AMZ2: variants seen among roughly 807,000 people sequenced by gnomAD.
The protein encoded by AMZ2 is archaelysin family metallopeptidase 2, also known as archaemetzincin-2.
A neutral mutation model predicts 36.7 loss-of-function variants in AMZ2; 26 were observed. That is an observed-to-expected ratio of 0.71 (90% CI 0.52 to 0.98). The LOEUF (loss-of-function observed/expected upper bound fraction) is 0.98, where lower values mean the gene tolerates loss of function less well. Among genes scored for constraint, AMZ2 ranks in the 50% least tolerant of loss-of-function variants. The pLI, the probability that AMZ2 is intolerant of heterozygous loss-of-function variation, is 0.00. For synonymous variants in AMZ2, 144 were observed against 149.1 expected, an observed-to-expected ratio of 0.97 and a Z score of 0.25; for missense variants, 394 against 430.5, an observed-to-expected ratio of 0.92 and a Z score of 0.75.
At chr17:68,234,129 C>T (rs1487534333) in intron 1 of AMZ2, among the ~76,000 whole-genome samples, 4 of 151,994 alleles carry the variant, frequency 2.6e-5, no homozygotes, top group South Asian at 2.1e-4. Flanking sequence ...GTCAGGAGTT[C>T]GAGACCAGCC....
At chr17:68,243,141 G>GA (rs1191354582), upstream of AMZ2, among the ~76,000 whole-genome samples, 6 of 142,344 alleles carry the variant, frequency 4.2e-5, no homozygotes, top group African/African-American at 1.6e-4. Flanking sequence ...TTTGAGAAAT[G>GA]ATTTTTTTTT....
At chr17:68,217,771 T>C (rs2073235440) in intron 1 of AMZ2, among the ~76,000 whole-genome samples, 1 of 152,000 alleles carries the variant, frequency 6.6e-6, no homozygotes, top group South Asian at 2.1e-4. Flanking sequence ...CTTAAAAATA[T>C]GTTATTTGTA....
chr17:68,226,932 C>T (rs1211045134), intron 1 of AMZ2, among the ~76,000 whole-genome samples: 2 of 148,410 alleles, frequency 1.3e-5, no homozygotes, highest in Non-Finnish European at 3.0e-5. Flanking sequence ...CCCTGTGGCA[C>T]AGCAGGGTTA....
intron 4 of AMZ2, among the ~76,000 whole-genome samples, chr17:68,251,879 C>A (rs1432456549): frequency 6.6e-6 from 1 of 152,172 alleles, no homozygotes; most frequent in Non-Finnish European, 1.5e-5. Context: ...TCTTTCTCAT[C>A]ATACGACATT....
At chr17:68,249,070 C>G in intron 1 of AMZ2, 1 of 1,186,612 alleles carries the variant, frequency 8.4e-7, no homozygotes, top group Non-Finnish European at 1.0e-6. Flanking sequence ...TATAGGAACA[C>G]GATGTGAATG....
upstream of AMZ2, among the ~76,000 whole-genome samples, chr17:68,245,198 TG>T (rs1555734955): frequency 7.7e-6 from 1 of 129,516 alleles, no homozygotes; most frequent in African/African-American, 2.9e-5. Flanking sequence ...TTCCTTCTAA[TG>T]TAAAAAAAAA....
At chr17:68,252,495 A>G (rs1227424949) in intron 4 of AMZ2, among the ~76,000 whole-genome samples, 2 of 152,082 alleles carry the variant, frequency 1.3e-5, no homozygotes, top group Non-Finnish European at 2.9e-5. Context: ...TTGAAAAATA[A>G]TTCTATCTAC....
rs1555739289 is a variant in AMZ2 at position 68,250,907 on chromosome 17, T to G, written c.397T>G (p.Ser133Ala). The change falls in exon 3 of 7, where the codon TCT becomes GCT. Residue 133 changes from serine (S) to alanine (A), a missense_variant. Transcript: ENST00000359904. ...RVKLLEPVPV[S>A]VTRCSFRVNE... Reference sequence around the variant, plus strand: ...AAAACTCCTAGAACCAGTTCCTGTTTCTGTAACAAGATGTTCCTTTAGAGT... The same window carrying G: ...AAAACTCCTAGAACCAGTTCCTGTTGCTGTAACAAGATGTTCCTTTAGAGT... 4 of 1,610,596 alleles carry G rather than the reference T, an allele frequency of 2.5e-6. No homozygotes were observed. Among genetic ancestry groups the G allele is most frequent in the Non-Finnish European group, 3.4e-6 (4 of 1,179,262 alleles).
chr17:68,215,612 C>A (rs1555727046), intron 1 of AMZ2, among the ~76,000 whole-genome samples: 2 of 137,182 alleles, frequency 1.5e-5, no homozygotes, highest in Non-Finnish European at 3.3e-5. Context: ...TCAGTGATGG[C>A]TGCCTGTCAG....
intron 1 of AMZ2, among the ~76,000 whole-genome samples, chr17:68,214,252 T>C (rs2073139633): frequency 6.6e-6 from 1 of 152,170 alleles, no homozygotes; most frequent in Admixed American, 6.5e-5. Flanking sequence ...GTCTCTTTTA[T>C]TGGGGGAAAT....
upstream of AMZ2, among the ~76,000 whole-genome samples, chr17:68,246,407 C>T (rs2074015520): frequency 6.6e-6 from 1 of 151,944 alleles, no homozygotes; most frequent in Admixed American, 6.6e-5. Flanking sequence ...TAATTGTCTC[C>T]GTTTTACAAA....
intron 1 of AMZ2, among the ~76,000 whole-genome samples, chr17:68,221,222 C>CCCCCCCCCCCCA (rs2073356037): frequency 1.2e-5 from 1 of 85,588 alleles, no homozygotes; most frequent in African/African-American, 4.9e-5. Context: ...CCCCCCCGCC[C>CCCCCCCCCCCCA]CCCCGGTAGC....
chr17:68,226,122 G>T (rs1332252674), intron 1 of AMZ2, among the ~76,000 whole-genome samples: 1 of 152,086 alleles, frequency 6.6e-6, no homozygotes, highest in East Asian at 1.9e-4. Context: ...AATCCGACTG[G>T]CCCGAAGTGG....
At chr17:68,220,260 A>G (rs534774582) in intron 1 of AMZ2, among the ~76,000 whole-genome samples, 13 of 152,238 alleles carry the variant, frequency 8.5e-5, no homozygotes, top group Non-Finnish European at 1.3e-4. Context: ...TATATGAAGA[A>G]AAAACTTAAT....
chr17:68,248,526 A>G lies in AMZ2; in HGVS notation c.-180A>G, dbSNP rs2074191201. On this transcript the variant is annotated 5_prime_UTR_variant, in exon 1 of 7. Coordinates refer to ENST00000359904, the MANE Select transcript of AMZ2 (RefSeq NM_016627.5). ...TGACCGAATTCTGCGCCCCCTGCCC[A>G]TCTTCTCCCGCAGCTTCCCTAGATT... 3 of 986,058 alleles carry G rather than the reference A, an allele frequency of 3.0e-6. No homozygotes were observed. The highest frequency in any genetic ancestry group is 2.4e-6 in the Non-Finnish European group (2 of 830,072). The allele number at this position is 986,058 out of a possible 1,614,324, so 61.1% of individuals were successfully genotyped here. A position where few individuals can be genotyped will look rare whatever the true frequency, so the allele number is the denominator to read the frequency against.
intron 1 of AMZ2, among the ~76,000 whole-genome samples, chr17:68,224,496 G>T (rs1415334909): frequency 6.6e-6 from 1 of 151,664 alleles, no homozygotes; most frequent in Non-Finnish European, 1.5e-5. Context: ...AACATCAAAT[G>T]CAGAAACTGC....
intron 1 of AMZ2, among the ~76,000 whole-genome samples, chr17:68,223,392 GC>G (rs760968796): frequency 4.2e-4 from 64 of 152,110 alleles, no homozygotes; most frequent in Non-Finnish European, 7.2e-4. Flanking sequence ...GCGGGGCAGC[GC>G]TTTCTTGCCA....
chr17:68,229,588 A>G (rs1267275913), intron 1 of AMZ2, among the ~76,000 whole-genome samples: 1 of 152,168 alleles, frequency 6.6e-6, no homozygotes, highest in African/African-American at 2.4e-5. Context: ...CCAAAATGCT[A>G]TTTGCCCACA....
intron 1 of AMZ2, among the ~76,000 whole-genome samples, chr17:68,230,927 T>C (rs2073645805): frequency 6.6e-6 from 1 of 152,228 alleles, no homozygotes; most frequent in African/African-American, 2.4e-5. Context: ...TCATTTTTTA[T>C]TGAAAACTAG....
Sources: allele counts gnomAD v4.1 joint callset (sites outside exome capture counted in the v4.1 genomes callset), GRCh38; gene constraint gnomAD v4.1.1; transcripts MANE v1.5; gene names NCBI Gene and HGNC (gene_info 2026-07-23, HGNC 2026-07-21).